The following GALNT9 variants were observed in gnomAD, a reference collection of about 807,000 sequenced individuals.
The protein encoded by GALNT9 is polypeptide N-acetylgalactosaminyltransferase 9.
GALNT9 carries 47 observed loss-of-function variants against 63.1 expected under a neutral mutation model. The observed-to-expected ratio is 0.75, with a 90% CI of 0.59 to 0.95. The LOEUF (loss-of-function observed/expected upper bound fraction) is 0.95, where lower values mean the gene tolerates loss of function less well. Among genes scored for constraint, GALNT9 ranks in the 40% least tolerant of loss-of-function variants. GALNT9 has a pLI of 0.00. For missense variants in GALNT9, 829 were observed against 874.8 expected (o/e 0.95, Z 0.66); for synonymous variants, 396 against 365.7 (o/e 1.08, Z -0.94).
intron 6 of GALNT9, among the ~76,000 whole-genome samples, chr12:132,227,050 A>C (rs950974421): frequency 1.3e-5 from 2 of 151,652 alleles, no homozygotes; most frequent in African/African-American, 4.9e-5. Context: ...ACACCCACAC[A>C]CAACCCATAG....
At chr12:132,305,971 G>A (rs1342841702) in intron 1 of GALNT9, among the ~76,000 whole-genome samples, 3 of 152,024 alleles carry the variant, frequency 2.0e-5, no homozygotes, top group Non-Finnish European at 4.4e-5. Context: ...GTGGCACCTG[G>A]GCCGGGGGGC....
intron 6 of GALNT9, among the ~76,000 whole-genome samples, chr12:132,221,658 C>CAAAAA (rs761220333): frequency 0.4 from 31,651 of 78,914 alleles, 7,378 homozygotes; most frequent in Non-Finnish European, 0.45. Flanking sequence ...GAGACGTTCT[C>CAAAAA]AAAAAAAAAA....
At chr12:132,303,702 G>C (rs376967588) in intron 1 of GALNT9, among the ~76,000 whole-genome samples, 755 of 2,606 alleles carry the variant, frequency 0.29, 152 homozygotes, top group East Asian at 0.75. Flanking sequence ...CACCCTCACC[G>C]GGGCACACCC....
At chr12:132,287,635 C>CG (rs1880652976) in intron 1 of GALNT9, among the ~76,000 whole-genome samples, 1 of 152,122 alleles carries the variant, frequency 6.6e-6, no homozygotes, top group African/African-American at 2.4e-5. Context: ...CCATGGCCAT[C>CG]GGGGCAGGAC....
intron 5 of GALNT9, among the ~76,000 whole-genome samples, chr12:132,251,544 C>A (rs1248930543): frequency 2.6e-5 from 4 of 152,200 alleles, no homozygotes; most frequent in Non-Finnish European, 5.9e-5. Flanking sequence ...TCAGAGGGGA[C>A]TCCTCCGGGC....
chr12:132,201,104 G>T lies in GALNT9; in HGVS notation c.1401+20C>A, dbSNP rs879724241. On this transcript the variant is annotated intron_variant, in intron 8 of 10. Coordinates refer to ENST00000328957, the MANE Select transcript of GALNT9 (RefSeq NM_001122636.2). ...CAGAAAGCCTGTCGGGCCGAACGGGGCCCTCGGGGGAGGTGCTACCTCTCC... is the reference window on the plus strand; with the variant it reads ...CAGAAAGCCTGTCGGGCCGAACGGGTCCCTCGGGGGAGGTGCTACCTCTCC... 1.5e-5 allele frequency: 24 copies of T among 1,609,492 alleles called. No individual in the cohort carries two copies. Among genetic ancestry groups the T allele is most frequent in the East Asian group, 2.2e-5 (1 of 44,792 alleles).
At chr12:132,250,240 A>G (rs1878857130) in intron 5 of GALNT9, among the ~76,000 whole-genome samples, 2 of 151,178 alleles carry the variant, frequency 1.3e-5, no homozygotes, top group African/African-American at 4.8e-5. Flanking sequence ...AGAAGAGGCA[A>G]GTCCACGGGG....
intron 1 of GALNT9, among the ~76,000 whole-genome samples, chr12:132,287,753 G>A (rs1410932284): frequency 6.6e-6 from 1 of 152,112 alleles, no homozygotes; most frequent in Non-Finnish European, 1.5e-5. Context: ...GGTGCCCAAG[G>A]GGGCCGGGCC....
chr12:132,197,618 CTG>C (rs1307296337), intron 10 of GALNT9, among the ~76,000 whole-genome samples, 172 bp downstream of exon 10: 2 of 149,556 alleles, frequency 1.3e-5, no homozygotes, highest in African/African-American at 5.1e-5. Flanking sequence ...CCTGCCCTCT[CTG>C]TGAGCGTCGG....
chr12:132,267,264 G>A (rs1258782077), intron 2 of GALNT9, among the ~76,000 whole-genome samples: 2 of 152,140 alleles, frequency 1.3e-5, no homozygotes, highest in Non-Finnish European at 2.9e-5. Flanking sequence ...GCGCCAGCTT[G>A]TGGCAGGGGT....
intron 2 of GALNT9, chr12:132,284,475 T>A (rs186938656): frequency 2.0e-5 from 3 of 152,280 alleles, no homozygotes; most frequent in African/African-American, 7.2e-5. Context: ...TGGCCTATTT[T>A]AAAACTAAAT....
intron 6 of GALNT9, among the ~76,000 whole-genome samples, chr12:132,229,853 T>A (rs927562746): frequency 1.3e-5 from 2 of 152,204 alleles, no homozygotes; most frequent in African/African-American, 2.4e-5. Flanking sequence ...GCCGGGGCTG[T>A]GAGAAGCTAG....
intron 4 of GALNT9, among the ~76,000 whole-genome samples, chr12:132,259,696 C>T (rs1555239518): frequency 6.6e-6 from 1 of 152,158 alleles, no homozygotes; most frequent in Admixed American, 6.5e-5. Flanking sequence ...AGCAGGAGGC[C>T]CAAGGTCACA....
chr12:132,241,184 C>G (rs1415752987), intron 6 of GALNT9, among the ~76,000 whole-genome samples: 19 of 107,416 alleles, frequency 1.8e-4, no homozygotes, highest in Non-Finnish European at 2.2e-4. Flanking sequence ...TCCCAGGGCC[C>G]TCCCTATCCC....
chr12:132,197,522 C>T (rs1027475229), intron 10 of GALNT9, among the ~76,000 whole-genome samples: 1 of 152,220 alleles, frequency 6.6e-6, no homozygotes, highest in Non-Finnish European at 1.5e-5. Context: ...CTACCCTGGG[C>T]ACCTGAGGCT....
chr12:132,235,049 CACACTCGATGGGGCGACAG>C, intron 6 of GALNT9, among the ~76,000 whole-genome samples: 4 of 54,982 alleles, frequency 7.3e-5, no homozygotes, highest in African/African-American at 3.9e-4. Flanking sequence ...CCTGGTGCCA[CACACTCGATGGGGCGACAG>C]AGGAGACAGC....
intron 1 of GALNT9, among the ~76,000 whole-genome samples, chr12:132,302,880 C>A (rs1039398866): frequency 5.9e-5 from 9 of 152,108 alleles, no homozygotes; most frequent in Non-Finnish European, 1.2e-4. Context: ...AGTGGGAGCG[C>A]AGAGGAGCTT....
At chr12:132,308,859 C>T (rs951375426) in intron 1 of GALNT9, among the ~76,000 whole-genome samples, 2 of 150,428 alleles carry the variant, frequency 1.3e-5, no homozygotes, top group Admixed American at 6.7e-5. Context: ...GCCGCACTCA[C>T]GCCTTACCCA....
intron 6 of GALNT9, among the ~76,000 whole-genome samples, chr12:132,207,977 T>A (rs1035600655): frequency 6.6e-6 from 1 of 152,102 alleles, no homozygotes; most frequent in Non-Finnish European, 1.5e-5. Context: ...GGGGCAGGTC[T>A]CTTTTCTGCG....
Sources: gnomAD v4.1 joint callset for allele counts (sites outside exome capture counted in the v4.1 genomes callset) on GRCh38, gnomAD v4.1.1 for gene constraint, MANE v1.5 for transcripts, NCBI Gene and HGNC (gene_info 2026-07-23, HGNC 2026-07-21) for gene names.